RBMS1: variants seen among roughly 807,000 people sequenced by gnomAD.
RBMS1 encodes RNA-binding motif, single-stranded-interacting protein 1.
Under a neutral mutation model 62.3 loss-of-function variants are expected in RBMS1, and 17 were observed. The observed-to-expected ratio is 0.27, with a 90% CI of 0.19 to 0.41. The LOEUF (loss-of-function observed/expected upper bound fraction) is 0.41. Among genes scored for constraint, RBMS1 ranks in the 10% least tolerant of loss-of-function variants. The pLI, the probability that RBMS1 is intolerant of heterozygous loss-of-function variation, is 1.00. For missense variants in RBMS1, 334 were observed against 504.5 expected (o/e 0.66, Z 3.24); for synonymous variants, 172 against 170.0 (o/e 1.01, Z -0.09).
intron 2 of RBMS1, among the ~76,000 whole-genome samples, chr2:160,361,220 A>G (rs916131482): frequency 1.3e-5 from 2 of 152,246 alleles, no homozygotes; most frequent in African/African-American, 4.8e-5. Flanking sequence ...ACACTGAGTT[A>G]TCTAGAACTC....
chr2:160,380,977 GAT>G (rs1335589274), intron 1 of RBMS1, among the ~76,000 whole-genome samples: 7 of 152,128 alleles, frequency 4.6e-5, no homozygotes, highest in African/African-American at 1.7e-4. Flanking sequence ...ATCCTGCCTG[GAT>G]ATGTTTTTTT....
chr2:160,426,843 G>A (rs1682652385), intron 1 of RBMS1, among the ~76,000 whole-genome samples: 1 of 142,672 alleles, frequency 7.0e-6, no homozygotes, highest in African/African-American at 2.5e-5. Flanking sequence ...GCTGGAGGGA[G>A]GGGAGCATGT....
At chr2:160,439,373 T>C (rs1288483950) in intron 1 of RBMS1, among the ~76,000 whole-genome samples, 3 of 127,618 alleles carry the variant, frequency 2.4e-5, no homozygotes, top group African/African-American at 3.0e-5. Flanking sequence ...TCCTCACTTC[T>C]CAGACGGGGC....
intron 1 of RBMS1, among the ~76,000 whole-genome samples, chr2:160,446,706 C>A (rs915681855): frequency 7.2e-5 from 11 of 152,208 alleles, no homozygotes; most frequent in African/African-American, 2.7e-4. Flanking sequence ...AAACTAATTA[C>A]CAGATACCAG....
At chr2:160,316,763 G>A (rs1690245812) in intron 3 of RBMS1, among the ~76,000 whole-genome samples, 1 of 152,126 alleles carries the variant, frequency 6.6e-6, no homozygotes, top group Admixed American at 6.5e-5. Context: ...TTCTTTTGGG[G>A]TGGGGAAGAA....
intron 2 of RBMS1, among the ~76,000 whole-genome samples, chr2:160,354,357 A>C (rs1045965004): frequency 6.6e-6 from 1 of 152,132 alleles, no homozygotes; most frequent in Non-Finnish European, 1.5e-5. Flanking sequence ...GTGGAGGAAA[A>C]TCTAAGAAAC....
chr2:160,382,858 T>A lies in RBMS1; in HGVS notation c.76-15467A>T, dbSNP rs200388838. 3.0e-3 allele frequency among the ~76,000 whole-genome samples: 459 copies of A among 151,858 alleles called. 1 individual carries two copies. The highest frequency in any genetic ancestry group is 5.3e-3 in the Non-Finnish European group (360 of 67,960). On this transcript the variant is annotated intron_variant, in intron 1 of 13. Coordinates refer to ENST00000348849, the MANE Select transcript of RBMS1 (RefSeq NM_016836.4). ...GTAGTTTACTTAATTTTTTTTTTTT[T>A]AAAAAGCTACTCCTTAAAATGCATT...
At chr2:160,401,846 C>T (rs1467722968) in intron 1 of RBMS1, 1 of 152,154 alleles carries the variant, frequency 6.6e-6, no homozygotes, top group East Asian at 1.9e-4. Context: ...ATTCTGCTAT[C>T]GAGGGCATAA....
At chr2:160,468,560 C>A (rs1201613092) in intron 1 of RBMS1, among the ~76,000 whole-genome samples, 1 of 152,152 alleles carries the variant, frequency 6.6e-6, no homozygotes, top group Non-Finnish European at 1.5e-5. Context: ...AATCTATTTT[C>A]TGATTACTTT....
At chr2:160,417,655 C>A (rs945151377) in intron 1 of RBMS1, among the ~76,000 whole-genome samples, 4 of 152,192 alleles carry the variant, frequency 2.6e-5, no homozygotes, top group African/African-American at 9.7e-5. Flanking sequence ...CCATAACTTA[C>A]AACCTGCATT....
At chr2:160,443,183 G>A (rs184759866) in intron 1 of RBMS1, among the ~76,000 whole-genome samples, 3 of 149,016 alleles carry the variant, frequency 2.0e-5, no homozygotes, top group South Asian at 2.1e-4. Flanking sequence ...TCCAGCCTGC[G>A]TGACAGTGAG....
At chr2:160,364,383 A>G (rs1693288433) in intron 2 of RBMS1, among the ~76,000 whole-genome samples, 1 of 152,214 alleles carries the variant, frequency 6.6e-6, no homozygotes, top group African/African-American at 2.4e-5. Flanking sequence ...GACATCTTTC[A>G]TTAAATGTTT....
chr2:160,324,882 G>GTATATATATATA (rs201492090), intron 2 of RBMS1, among the ~76,000 whole-genome samples: 1,194 of 99,966 alleles, frequency 0.012, 35 homozygotes, highest in Admixed American at 0.032. Flanking sequence ...GTGTGTGTGT[G>GTATATATATATA]TATATATATA....
In RBMS1 at chr2:160,493,479, T is replaced by G. The variant is rs1003675225; in HGVS notation, c.-116A>C. On this transcript the variant is annotated 5_prime_UTR_variant, in exon 1 of 14. Coordinates refer to ENST00000348849, the MANE Select transcript of RBMS1 (RefSeq NM_016836.4). ...CGGCAGCGGCGGCGGCGGCGGCGGCTGCTGCTGCTGCCGCTGCTCCACCTC... is the reference window on the plus strand; with the variant it reads ...CGGCAGCGGCGGCGGCGGCGGCGGCGGCTGCTGCTGCCGCTGCTCCACCTC... The G allele has an allele frequency of 1.8e-4, 149 of 837,116 alleles. No individual in the cohort carries two copies. Among genetic ancestry groups the G allele is most frequent in the African/African-American group, 2.6e-4 (15 of 57,812 alleles). The allele number at this position is 837,116 out of a possible 1,614,324, so 51.9% of individuals were successfully genotyped here.
At chr2:160,274,824 C>T (rs554273098) in intron 13 of RBMS1, 60 bp from the exon 14 acceptor site, 2 of 152,588 alleles carry the variant, frequency 1.3e-5, no homozygotes, top group South Asian at 4.2e-4. Context: ...CACTACAGAG[C>T]TTTGTAATCT....
intron 1 of RBMS1, among the ~76,000 whole-genome samples, chr2:160,442,346 A>T (rs919364248): frequency 4.0e-5 from 6 of 151,842 alleles, no homozygotes; most frequent in African/African-American, 1.5e-4. Context: ...ATAAAATTTC[A>T]TTTTTTTCCC....
chr2:160,456,369 C>T (rs996573892), intron 1 of RBMS1, among the ~76,000 whole-genome samples: 1 of 152,112 alleles, frequency 6.6e-6, no homozygotes, highest in Non-Finnish European at 1.5e-5. Context: ...AAAAGGTGTA[C>T]GTGAAGTCAT....
At chr2:160,314,361 T>C (rs552995075) in intron 3 of RBMS1, among the ~76,000 whole-genome samples, 2 of 152,208 alleles carry the variant, frequency 1.3e-5, no homozygotes, top group South Asian at 4.1e-4. Flanking sequence ...TAATTGTAAA[T>C]GAATAAGAAT....
At chr2:160,385,891 A>T (rs1182279304) in intron 1 of RBMS1, among the ~76,000 whole-genome samples, 2 of 152,196 alleles carry the variant, frequency 1.3e-5, no homozygotes, top group Admixed American at 1.3e-4. Flanking sequence ...TATTGGTTCG[A>T]AACGTCCACT....
Sources: allele counts gnomAD v4.1 joint callset (sites outside exome capture counted in the v4.1 genomes callset), GRCh38; gene constraint gnomAD v4.1.1; transcripts MANE v1.5; gene names NCBI Gene and HGNC (gene_info 2026-07-23, HGNC 2026-07-21).